Variants in SIM1 observed in about 807,000 individuals in gnomAD.
SIM1 encodes the protein single-minded homolog 1.
In SIM1, 18 loss-of-function variants were observed where a neutral mutation model predicts 78.2. That is an observed-to-expected ratio of 0.23 (90% CI 0.16 to 0.34). The LOEUF is 0.34. Ranked by LOEUF, SIM1 falls within the 10% of genes least tolerant of loss-of-function variation. The pLI is 1.00. For missense variants in SIM1, 939 were observed against 975.1 expected (o/e 0.96, Z 0.49); for synonymous variants, 417 against 385.2 (o/e 1.08, Z -0.97).
At chr6:100,423,965 AC>A (rs1371851744) in intron 9 of SIM1, among the ~76,000 whole-genome samples, 3 of 151,968 alleles carry the variant, frequency 2.0e-5, no homozygotes, top group Non-Finnish European at 4.4e-5. Flanking sequence ...AACTTGGTAA[AC>A]CCATTCCTAA....
At chr6:100,450,696 T>TCTCTCACACACACACACACA (rs1421452803) in intron 3 of SIM1, among the ~76,000 whole-genome samples, 1 of 91,878 alleles carries the variant, frequency 1.1e-5, no homozygotes, top group Non-Finnish European at 2.2e-5. Flanking sequence ...TCTCTCTCTC[T>TCTCTCACACACACACACACA]CACACACACA....
chr6:100,409,428 A>T (rs1177192762), intron 10 of SIM1, among the ~76,000 whole-genome samples: 1 of 150,518 alleles, frequency 6.6e-6, no homozygotes. Context: ...GTCCCCTATC[A>T]TTTTTTTTTG....
rs1479685386 is a variant in SIM1, at chr6:100,402,814, G to T, written c.1168-8925C>A. The stretch of plus-strand genomic sequence containing the variant: ...GATGGTCTCGATCTCCTGACCTCGT[G>T]ATCCACCCGCCTCGGCCTCCCAAAG... On this transcript the variant is annotated intron_variant, in intron 10 of 11. Transcript: ENST00000369208. 7.9e-5 allele frequency among the ~76,000 whole-genome samples: 12 copies of T among 152,012 alleles called. 1 individual carries two copies. Among genetic ancestry groups the T allele is most frequent in the South Asian group, 2.1e-4 (1 of 4,824 alleles).
chr6:100,409,597 C>T (rs1771141351), intron 10 of SIM1, among the ~76,000 whole-genome samples: 1 of 151,952 alleles, frequency 6.6e-6, no homozygotes, highest in Non-Finnish European at 1.5e-5. Context: ...CTAATTTGTT[C>T]TTTACCTTAT....
intron 9 of SIM1, among the ~76,000 whole-genome samples, chr6:100,426,674 T>C (rs1433107607): frequency 6.6e-6 from 1 of 152,204 alleles, no homozygotes; most frequent in East Asian, 1.9e-4. Context: ...TTTGAATGAG[T>C]GTACAGAGAA....
Position 100,453,561 on chromosome 6 carries a change from A to T in SIM1, c.258+201T>A, listed in dbSNP as rs1009813809. 9.9e-5 allele frequency among the ~76,000 whole-genome samples: 15 copies of T among 152,044 alleles called. 1 individual carries two copies. The highest frequency in any genetic ancestry group is 3.6e-4 in the African/African-American group (15 of 41,402). Reference sequence around the variant, plus strand: ...TGCCTCCCTCTCAGCCTCTTGAGGCATCATCTGCAAAAGCTAAAATTTTAC... The same window carrying T: ...TGCCTCCCTCTCAGCCTCTTGAGGCTTCATCTGCAAAAGCTAAAATTTTAC... On this transcript the variant is annotated intron_variant, in intron 3 of 11. Coordinates refer to ENST00000369208, the MANE Select transcript of SIM1 (RefSeq NM_005068.3).
intron 10 of SIM1, among the ~76,000 whole-genome samples, chr6:100,407,416 A>G (rs1771077803): frequency 6.6e-6 from 1 of 152,186 alleles, no homozygotes; most frequent in Admixed American, 6.5e-5. Flanking sequence ...TGCAATGAAC[A>G]TGAGAGTGCA....
At chr6:100,458,002 C>CTCTT (rs1404045997) in intron 2 of SIM1, among the ~76,000 whole-genome samples, 1 of 93,396 alleles carries the variant, frequency 1.1e-5, no homozygotes, top group African/African-American at 4.0e-5. Flanking sequence ...GTCTGTCTCT[C>CTCTT]TCTTTCTCTC....
chr6:100,450,378 G>A, intron 3 of SIM1, 22 bp from the exon 4 acceptor site: 1 of 1,606,450 alleles, frequency 6.2e-7, no homozygotes, highest in South Asian at 1.1e-5. Context: ...CAAATAGAGA[G>A]AATAGAGAGC....
intron 10 of SIM1, among the ~76,000 whole-genome samples, chr6:100,395,032 T>G (rs1401359622): frequency 6.6e-6 from 1 of 152,168 alleles, no homozygotes; most frequent in East Asian, 1.9e-4. Flanking sequence ...CCAGACTATT[T>G]GGTCAGATTT....
chr6:100,452,672 A>G (rs1414780119), intron 3 of SIM1, among the ~76,000 whole-genome samples: 1 of 152,210 alleles, frequency 6.6e-6, no homozygotes, highest in East Asian at 1.9e-4. Context: ...TTTCTTGTTT[A>G]TGTTTCTGAG....
Position 100,409,643 on chromosome 6 carries a change from C to G in SIM1, c.1167+11147G>C, listed in dbSNP as rs144609306. Among the ~76,000 whole-genome samples, 387 of 152,074 alleles carry G rather than the reference C, an allele frequency of 2.5e-3. 8 individuals carry two copies. In the East Asian group the frequency reaches 0.057, roughly 22 times the overall value. On this transcript the variant is annotated intron_variant, in intron 10 of 11. Coordinates refer to ENST00000369208, the MANE Select transcript of SIM1 (RefSeq NM_005068.3). ...GGTGTAAAGTTAAGTTATATGAAAT[C>G]TTTATTTTTTTCTTAATGTAAGTGT...
chr6:100,449,774 G>T, intron 4 of SIM1, 75 bp from the exon 5 acceptor site: 2 of 1,232,188 alleles, frequency 1.6e-6, no homozygotes, highest in Non-Finnish European at 1.2e-6. Context: ...TAGGCCAGGG[G>T]ATCTGCAGGA....
At chr6:100,423,943 G>A (rs184090601) in intron 9 of SIM1, among the ~76,000 whole-genome samples, 191 of 152,262 alleles carry the variant, frequency 1.3e-3, no homozygotes, top group Non-Finnish European at 2.5e-3. Context: ...ACCCATGAAA[G>A]TTTGGCCAAA....
chr6:100,461,685 CAGTATAAAAGACAACG>C (rs1772851365), intron 2 of SIM1, among the ~76,000 whole-genome samples: 1 of 152,106 alleles, frequency 6.6e-6, no homozygotes, highest in South Asian at 2.1e-4. Flanking sequence ...TAGGCGCTGA[CAGTATAAAAGACAACG>C]AGATCTCTTT....
rs1231366532 is a variant in SIM1, at chr6:100,420,825, A to T, written c.1132T>A (p.Ser378Thr). Reference sequence around the variant, plus strand: ...GGGGAAGTCCTGGATTTTGACTTTGAGCTGGAGAGCCGGGATTTGGCCCCC... The same window carrying T: ...GGGGAAGTCCTGGATTTTGACTTTGTGCTGGAGAGCCGGGATTTGGCCCCC... The part of the protein sequence containing the change: ...RKGAKSRLSS[S>T]KSKSRTSPYP... Residue 378 changes from serine (S) to threonine (T), a missense_variant, in exon 10 of 12, where the codon TCA (serine) becomes ACA (threonine). By Grantham distance (58) the Ser-to-Thr change is moderately conservative (BLOSUM62 1). Coordinates refer to ENST00000369208, the MANE Select transcript of SIM1 (RefSeq NM_005068.3). 1 of 1,614,032 alleles carries T rather than the reference A, an allele frequency of 6.2e-7. No individual in the cohort carries two copies. The highest frequency in any genetic ancestry group is 8.5e-7 in the Non-Finnish European group (1 of 1,180,032).
chr6:100,463,089 G>T, intron 2 of SIM1: 1 of 509,376 alleles, frequency 2.0e-6, no homozygotes, highest in Non-Finnish European at 3.5e-6. Context: ...AGAAAGTATT[G>T]ATGGGGAGGT....
intron 9 of SIM1, among the ~76,000 whole-genome samples, chr6:100,446,941 C>T (rs1562254144): frequency 1.3e-5 from 2 of 152,128 alleles, no homozygotes; most frequent in East Asian, 1.9e-4. Flanking sequence ...TAGATCCTTT[C>T]CTCTCTCTCT....
intron 10 of SIM1, among the ~76,000 whole-genome samples, chr6:100,416,462 C>T (rs1771403595): frequency 6.6e-6 from 1 of 152,086 alleles, no homozygotes; most frequent in Non-Finnish European, 1.5e-5. Flanking sequence ...GCTAAAGAGG[C>T]ACAAGACATT....
Sources: gnomAD v4.1 joint callset for allele counts (sites outside exome capture counted in the v4.1 genomes callset) on GRCh38, gnomAD v4.1.1 for gene constraint, MANE v1.5 for transcripts, NCBI Gene and HGNC (gene_info 2026-07-23, HGNC 2026-07-21) for gene names.